The following RAB11FIP1 variants were observed in gnomAD, a reference collection of about 807,000 sequenced individuals.
RAB11FIP1 encodes the protein rab11 family-interacting protein 1.
A neutral mutation model predicts 83.1 loss-of-function variants in RAB11FIP1; 49 were observed. The ratio of observed to expected loss-of-function variants is 0.59; its 90% confidence interval spans 0.47 to 0.75. RAB11FIP1 has a LOEUF of 0.75. Ranked by LOEUF, RAB11FIP1 falls within the 30% of genes least tolerant of loss-of-function variation. The pLI, the probability that RAB11FIP1 is intolerant of heterozygous loss-of-function variation, is 0.00. For synonymous variants in RAB11FIP1, 670 were observed against 656.0 expected (o/e 1.02, Z -0.33); for missense variants, 1,536 against 1,598.7 (o/e 0.96, Z 0.67).
chr8:37,879,726 T>C (rs894044284), intron 1 of RAB11FIP1, among the ~76,000 whole-genome samples: 1 of 151,852 alleles, frequency 6.6e-6, no homozygotes, highest in African/African-American at 2.4e-5. Context: ...CTACTAAAAA[T>C]ACAAAAAATA....
In RAB11FIP1 at chr8:37,859,194, C is replaced by G. The variant is rs1806185892; in HGVS notation, c.*3701G>C. 6.6e-6 allele frequency: 1 copy of G among 151,768 alleles called. No homozygotes were observed. Among genetic ancestry groups the G allele is most frequent in the Non-Finnish European group, 1.5e-5 (1 of 68,034 alleles). The allele number at this position is 151,768 out of a possible 1,614,324, so 9.4% of individuals were successfully genotyped here. On this transcript the variant is annotated 3_prime_UTR_variant, in exon 6 of 6. Transcript: ENST00000330843. ...TTTGGTGGATACTAGGAATTAAGTTCTCCACCTAAGGCAATTAATTTTTCA... is the reference window on the plus strand; with the variant it reads ...TTTGGTGGATACTAGGAATTAAGTTGTCCACCTAAGGCAATTAATTTTTCA...
chr8:37,878,533 CAAAAA>C (rs918942295), intron 1 of RAB11FIP1, among the ~76,000 whole-genome samples: 11 of 24,094 alleles, frequency 4.6e-4, no homozygotes. Flanking sequence ...GACTCCATCT[CAAAAA>C]AAAAAAAAAA....
chr8:37,880,032 T>C (rs1327427355), intron 1 of RAB11FIP1, among the ~76,000 whole-genome samples: 1 of 152,222 alleles, frequency 6.6e-6, no homozygotes, highest in Non-Finnish European at 1.5e-5. Context: ...ACTTGGTCAT[T>C]TGCAACCCAC....
At chr8:37,867,317 G>T (rs988729782) in intron 5 of RAB11FIP1, among the ~76,000 whole-genome samples, 1 of 152,188 alleles carries the variant, frequency 6.6e-6, no homozygotes, top group African/African-American at 2.4e-5. Context: ...ACATTTTTAG[G>T]CTAGGGCCGA....
chr8:37,861,464 A>G lies in RAB11FIP1; in HGVS notation c.*1431T>C. 1 of 395,954 alleles carries G rather than the reference A, an allele frequency of 2.5e-6. No homozygotes were observed. Among genetic ancestry groups the G allele is most frequent in the Non-Finnish European group, 4.8e-6 (1 of 206,674 alleles). The allele number at this position is 395,954 out of a possible 1,614,324, so 24.5% of individuals were successfully genotyped here. On this transcript the variant is annotated 3_prime_UTR_variant, in exon 6 of 6. Coordinates refer to ENST00000330843, the MANE Select transcript of RAB11FIP1 (RefSeq NM_001002814.3). The stretch of plus-strand genomic sequence containing the variant: ...TTTGGGCAGGGAGAGAAAGTGTTCA[A>G]AGGACAGACATGCAGATGCAGTTCA...
chr8:37,861,880 C>T lies in RAB11FIP1; in HGVS notation c.*1015G>A, dbSNP rs1284440354. ...CTGGGATTACAGGCATGAGCCACCACGACTGGCCTGAAGGGGCTTCTTCAT... is the reference window on the plus strand; with the variant it reads ...CTGGGATTACAGGCATGAGCCACCATGACTGGCCTGAAGGGGCTTCTTCAT... On this transcript the variant is annotated 3_prime_UTR_variant, in exon 6 of 6. Coordinates refer to ENST00000330843, the MANE Select transcript of RAB11FIP1 (RefSeq NM_001002814.3). 1 of 240,022 alleles carries T rather than the reference C, an allele frequency of 4.2e-6. No homozygotes were observed. Among genetic ancestry groups the T allele is most frequent in the Non-Finnish European group, 8.4e-6 (1 of 119,504 alleles). The allele number at this position is 240,022 out of a possible 1,614,324, so 14.9% of individuals were successfully genotyped here. A position where few individuals can be genotyped will look rare whatever the true frequency, so the allele number is the denominator to read the frequency against.
chr8:37,896,166 C>T (rs184062505), intron 1 of RAB11FIP1, among the ~76,000 whole-genome samples: 161 of 151,916 alleles, frequency 1.1e-3, no homozygotes, highest in African/African-American at 3.8e-3. Flanking sequence ...AAAAATTAGC[C>T]GGACATGGTG....
intron 1 of RAB11FIP1, 69 bp from the exon 2 acceptor site, chr8:37,877,620 G>T: frequency 1.0e-6 from 1 of 994,418 alleles, no homozygotes; most frequent in South Asian, 1.5e-5. Context: ...CAATCCCCAT[G>T]AACTGGCCTC....
At chr8:37,884,567 T>C (rs1289499781) in intron 1 of RAB11FIP1, among the ~76,000 whole-genome samples, 1 of 150,840 alleles carries the variant, frequency 6.6e-6, no homozygotes, top group Non-Finnish European at 1.5e-5. Flanking sequence ...GTTGTTGTTG[T>C]TGAGACAGTC....
intron 5 of RAB11FIP1, among the ~76,000 whole-genome samples, chr8:37,869,568 G>A (rs1391903572): frequency 6.6e-6 from 1 of 152,012 alleles, no homozygotes; most frequent in Non-Finnish European, 1.5e-5. Flanking sequence ...CTCCAGCCTG[G>A]GTGACAGAGT....
At chr8:37,869,638 A>G (rs1329580789) in intron 5 of RAB11FIP1, among the ~76,000 whole-genome samples, 1 of 152,186 alleles carries the variant, frequency 6.6e-6, no homozygotes, top group African/African-American at 2.4e-5. Flanking sequence ...CCTTACTGTT[A>G]GGAATTACAT....
At chr8:37,892,526 C>T (rs1388552683) in intron 1 of RAB11FIP1, among the ~76,000 whole-genome samples, 3 of 151,888 alleles carry the variant, frequency 2.0e-5, no homozygotes, top group African/African-American at 7.3e-5. Flanking sequence ...GCAGTCTCAG[C>T]TCACCGCAAC....
intron 5 of RAB11FIP1, among the ~76,000 whole-genome samples, chr8:37,869,384 G>T (rs964075249): frequency 5.9e-5 from 9 of 151,706 alleles, no homozygotes; most frequent in African/African-American, 1.9e-4. Context: ...CTGAGGTCAG[G>T]AGTTCGAGAT....
intron 1 of RAB11FIP1, among the ~76,000 whole-genome samples, chr8:37,882,429 A>G (rs1457569188): frequency 6.6e-6 from 1 of 152,226 alleles, no homozygotes; most frequent in African/African-American, 2.4e-5. Flanking sequence ...CTTTGAAGCT[A>G]ATAATATTGA....
At position 37,872,801 on chromosome 8, in the gene RAB11FIP1, T is replaced by G. The variant is rs772600747; in HGVS notation, c.2001A>C (p.Thr667=). Residue 667 remains threonine, a synonymous_variant, in exon 4 of 6, where the codon ACA becomes ACC. Coordinates refer to ENST00000330843, the MANE Select transcript of RAB11FIP1 (RefSeq NM_001002814.3). ...GGGTCCTGCCCATCAGAGAATCTTC[T>G]GTCCCTTTATTTGCTGGAAAGGATG... ...KQPSFPANKG[T]EDSLMGRTRE... The G allele has an allele frequency of 1.2e-6, 2 of 1,614,142 alleles. No individual in the cohort carries two copies. The highest frequency in any genetic ancestry group is 2.7e-5 in the African/African-American group (2 of 74,948).
chr8:37,873,073 GGA>G lies in RAB11FIP1; in HGVS notation c.1727_1728del (p.Val576AlafsTer3). On this transcript the variant is annotated frameshift_variant, in exon 4 of 6. Coordinates refer to ENST00000330843, the MANE Select transcript of RAB11FIP1 (RefSeq NM_001002814.3). LOFTEE classifies it high-confidence loss of function. ...PLPSSSGQAS[V>X]PSELGHGADT... ...TCTGCACCATGTCCCAATTCAGAGGGGACAGATGCCTGGCCAGAGCTAGAAGG... is the reference window on the plus strand; with the variant it reads ...TCTGCACCATGTCCCAATTCAGAGGGCAGATGCCTGGCCAGAGCTAGAAGG... 1 of 1,614,114 alleles carries G rather than the reference GGA, an allele frequency of 6.2e-7. No individual in the cohort carries two copies.
chr8:37,877,425 A>G lies in RAB11FIP1; in HGVS notation c.498T>C (p.Ser166=), dbSNP rs1205195807. Residue 166 remains serine, a synonymous_variant, in exon 2 of 6, where the codon TCT becomes TCC. Transcript: ENST00000330843. ...CCTTCAGCTTTCCAAATGGATTCCG[A>G]GACTTGTCTTTCATAGAAAGGTCAA... The part of the protein sequence containing the change: ...SMFDLSMKDK[S]RNPFGKLKDK... 3 of 1,614,076 alleles carry G rather than the reference A, an allele frequency of 1.9e-6. No individual in the cohort carries two copies.
chr8:37,867,034 A>G (rs943486708), intron 5 of RAB11FIP1, among the ~76,000 whole-genome samples: 1 of 152,214 alleles, frequency 6.6e-6, no homozygotes, highest in Non-Finnish European at 1.5e-5. Flanking sequence ...AAGCCCTTGA[A>G]TTAAATGAGC....
At chr8:37,873,684 T>C (rs1001949296) in intron 3 of RAB11FIP1, among the ~76,000 whole-genome samples, 2 of 151,944 alleles carry the variant, frequency 1.3e-5, no homozygotes, top group South Asian at 4.1e-4. Flanking sequence ...CAAAAGTCTG[T>C]TGCAATAGAA....
Sources: allele counts gnomAD v4.1 joint callset (sites outside exome capture counted in the v4.1 genomes callset), GRCh38; gene constraint gnomAD v4.1.1; transcripts MANE v1.5; gene names NCBI Gene and HGNC (gene_info 2026-07-23, HGNC 2026-07-21).